The following SYTL4 variants were observed in gnomAD, a reference collection of about 807,000 sequenced individuals.
The protein encoded by SYTL4 is synaptotagmin-like protein 4.
Under a neutral mutation model 52.7 loss-of-function variants are expected in SYTL4, and 16 were observed. The observed-to-expected ratio is 0.30, with a 90% CI of 0.21 to 0.46. SYTL4 has a LOEUF of 0.46. Ranked by LOEUF, SYTL4 falls within the 20% of genes least tolerant of loss-of-function variation. The pLI, the probability that SYTL4 is intolerant of heterozygous loss-of-function variation, is 1.00. For synonymous variants in SYTL4, 160 were observed against 186.6 expected (o/e 0.86, Z 1.16); for missense variants, 423 against 519.9 (o/e 0.81, Z 1.81).
intron 8 of SYTL4, among the ~76,000 whole-genome samples, chrX:100,691,522 C>T (rs1020751382): frequency 1.8e-5 from 2 of 110,115 alleles, no homozygotes; most frequent in Admixed American, 1.9e-4. Flanking sequence ...CAGGCATGTA[C>T]CATGGTGCCC....
At chrX:100,725,375 A>G (rs942855042) in intron 2 of SYTL4, among the ~76,000 whole-genome samples, 9 of 112,309 alleles carry the variant, frequency 8.0e-5, no homozygotes, top group African/African-American at 2.6e-4. Flanking sequence ...GGGAAAAATC[A>G]CATGGCCAAT....
intron 2 of SYTL4, among the ~76,000 whole-genome samples, chrX:100,705,612 A>T (rs1330123198): frequency 9.0e-6 from 1 of 111,648 alleles, no homozygotes; most frequent in Non-Finnish European, 1.9e-5. Flanking sequence ...TAGCACAGGC[A>T]CACTAGAAAT....
rs10623103 is a variant in SYTL4, at chrX:100,675,889, T to TACACACACACACACACACACAC, written c.*138_*139insGTGTGTGTGTGTGTGTGTGTGT. On this transcript the variant is annotated 3_prime_UTR_variant, in exon 20 of 20. Transcript: ENST00000372989. Reference sequence around the variant, plus strand: ...GAGATTTGCAGAAAATACATGTTTGTACACATACACACACACACACACACA... The same window carrying TACACACACACACACACACACAC: ...GAGATTTGCAGAAAATACATGTTTGTACACACACACACACACACACACACACATACACACACACACACACACA... The TACACACACACACACACACACAC allele has an allele frequency of 5.0e-6, 2 of 401,662 alleles. No individual in the cohort carries two copies. The highest frequency in any genetic ancestry group is 8.0e-6 in the Non-Finnish European group (2 of 250,850). The allele number at this position is 401,662 out of a possible 1,213,427, so 33.1% of individuals were successfully genotyped here.
intron 12 of SYTL4, 108 bp downstream of exon 12, chrX:100,689,748 C>T (rs2083555601): frequency 4.8e-6 from 2 of 420,790 alleles, no homozygotes; most frequent in Non-Finnish European, 7.9e-6. Context: ...TTTCATGTTG[C>T]CTTTTCTTAA....
intron 8 of SYTL4, among the ~76,000 whole-genome samples, chrX:100,700,658 T>C (rs1036746635): frequency 2.7e-5 from 3 of 111,956 alleles, no homozygotes; most frequent in African/African-American, 9.7e-5. Context: ...CTATTCAACC[T>C]GAGAAAGCGA....
intron 16 of SYTL4, 82 bp downstream of exon 16, chrX:100,685,908 C>T: frequency 1.0e-6 from 1 of 979,447 alleles, no homozygotes; most frequent in Non-Finnish European, 1.4e-6. Flanking sequence ...CATTCAAAGA[C>T]GCTACCAACA....
chrX:100,731,257 T>C (rs1392202690), intron 2 of SYTL4, among the ~76,000 whole-genome samples, 161 bp downstream of exon 2: 2 of 111,320 alleles, frequency 1.8e-5, no homozygotes, highest in Non-Finnish European at 3.8e-5. Flanking sequence ...CTGTGCCCCT[T>C]CTGAGATCTC....
rs1602788558 is a variant in SYTL4, at chrX:100,691,336, A to C, written c.540-127T>G. 4 of 439,309 alleles carry C rather than the reference A, an allele frequency of 9.1e-6. No homozygotes were observed. In the East Asian group the frequency reaches 1.5e-4, roughly 17 times the overall value. 36.2% of individuals were successfully genotyped at this position (439,309 alleles called of 1,213,427 possible). On this transcript the variant is annotated intron_variant, in intron 8 of 19. Transcript: ENST00000372989. ...TCTAAAATAAATATGAGTATACTTTAAACATATAATAAATTAATTAATTAA... is the reference window on the plus strand; with the variant it reads ...TCTAAAATAAATATGAGTATACTTTCAACATATAATAAATTAATTAATTAA...
intron 13 of SYTL4, chrX:100,688,123 T>C (rs758831098): frequency 2.7e-5 from 9 of 328,691 alleles, no homozygotes; most frequent in African/African-American, 2.1e-4. Context: ...TGATGAAAAA[T>C]GTCCCAAGCT....
At chrX:100,721,671 G>GC (rs960877508) in intron 2 of SYTL4, among the ~76,000 whole-genome samples, 3 of 111,036 alleles carry the variant, frequency 2.7e-5, no homozygotes, top group African/African-American at 9.8e-5. Context: ...CAGCCAATGA[G>GC]CCCCCCAACT....
intron 2 of SYTL4, among the ~76,000 whole-genome samples, chrX:100,717,495 A>G (rs73557591): frequency 0.14 from 16,316 of 112,864 alleles, 2,270 homozygotes; most frequent in African/African-American, 0.45. Context: ...TGAGCAAGTA[A>G]TACAATGATG....
Position 100,678,403 on chromosome X carries a change from C to G in SYTL4, c.1855G>C (p.Gly619Arg). 2 of 1,208,672 alleles carry G rather than the reference C, an allele frequency of 1.7e-6. No homozygotes were observed. The highest frequency in any genetic ancestry group is 1.7e-5 in the African/African-American group (1 of 57,556). ...GAGGGGATCTCACCAGTGCCAACACCCAGCCTGACCCCTCCCAGGAAGTCA... is the reference window on the plus strand; with the variant it reads ...GAGGGGATCTCACCAGTGCCAACACGCAGCCTGACCCCTCCCAGGAAGTCA... ...SNDFLGGVRL[G>R]VGTGISNGEV... The change falls in exon 19 of 20, where the codon GGT (glycine) becomes CGT (arginine). Residue 619 changes from glycine to arginine, a missense_variant. By Grantham distance (125) the Gly-to-Arg change is moderately radical. Transcript: ENST00000372989.
chrX:100,701,659 T>C lies in SYTL4; in HGVS notation c.125A>G (p.Glu42Gly). The C allele has an allele frequency of 1.7e-6, 2 of 1,211,259 alleles. No homozygotes were observed. Among genetic ancestry groups the C allele is most frequent in the Non-Finnish European group, 2.2e-6 (2 of 895,196 alleles). Residue 42 changes from glutamate to glycine, a missense_variant, in exon 6 of 20, where the codon GAG becomes GGG. Glu to Gly is a moderately conservative substitution (Grantham distance 98). Coordinates refer to ENST00000372989, the MANE Select transcript of SYTL4 (RefSeq NM_001370165.1). ...DEKRIRRLKNELLEIKRKGAK... is the reference protein window; with the variant it reads ...DEKRIRRLKNGLLEIKRKGAK... ...CCCTTTCCTTTTTATCTCCAGTAAC[T>C]CATTCTTTAGTCGCCTGCCAAGACC...
At chrX:100,714,263 AT>A (rs373405140) in intron 2 of SYTL4, among the ~76,000 whole-genome samples, 38,603 of 96,095 alleles carry the variant, frequency 0.4, 6,957 homozygotes, top group Non-Finnish European at 0.52. Context: ...TTATGTCAAG[AT>A]TTTTTTTTTT....
chrX:100,685,685 A>G, intron 16 of SYTL4: 1 of 203,846 alleles, frequency 4.9e-6, no homozygotes, highest in South Asian at 2.0e-4. Flanking sequence ...TAGCTCGGAG[A>G]AGAGGTGCGA....
At chrX:100,691,375 G>A (rs181421093) in intron 8 of SYTL4, among the ~76,000 whole-genome samples, 166 bp from the exon 9 acceptor site, 1 of 111,658 alleles carries the variant, frequency 9.0e-6, no homozygotes, top group African/African-American at 3.3e-5. Flanking sequence ...ATAAGGTCTC[G>A]CAATGTTGCC....
At chrX:100,679,214 G>A (rs2083331868) in intron 18 of SYTL4, 99 bp downstream of exon 18, 1 of 685,816 alleles carries the variant, frequency 1.5e-6, no homozygotes, top group South Asian at 2.7e-5. Flanking sequence ...TGCCGGGAGT[G>A]GTAAGACACA....
intron 12 of SYTL4, 120 bp from the exon 13 acceptor site, chrX:100,688,563 C>CT (rs746602688): frequency 0.055 from 16,990 of 308,095 alleles, 5 homozygotes; most frequent in East Asian, 0.066. Flanking sequence ...ACACATACTT[C>CT]TTTTTTTTTT....
At chrX:100,682,239 T>G (rs1296974517) in intron 16 of SYTL4, among the ~76,000 whole-genome samples, 1 of 111,891 alleles carries the variant, frequency 8.9e-6, no homozygotes, top group Admixed American at 9.5e-5. Flanking sequence ...TATCCTCGTT[T>G]CCTCTAGGGA....
Sources: allele counts gnomAD v4.1 joint callset (sites outside exome capture counted in the v4.1 genomes callset), GRCh38; gene constraint gnomAD v4.1.1; transcripts MANE v1.5; gene names NCBI Gene and HGNC (gene_info 2026-07-23, HGNC 2026-07-21).